ADAMTS17: variants seen among roughly 807,000 people sequenced by gnomAD.
The protein encoded by ADAMTS17 is ADAM metallopeptidase with thrombospondin type 1 motif 17.
A neutral mutation model predicts 141.5 loss-of-function variants in ADAMTS17; 113 were observed. The ratio of observed to expected loss-of-function variants is 0.80; its 90% CI spans 0.69 to 0.93. ADAMTS17 has a LOEUF of 0.93. ADAMTS17 is among the 40% of genes least tolerant of loss of function. ADAMTS17 has a pLI of 0.00. For synonymous variants in ADAMTS17, 768 were observed against 630.6 expected, an observed-to-expected ratio of 1.22 and a Z score of -3.27; for missense variants, 1,659 against 1,517.9, an observed-to-expected ratio of 1.09 and a Z score of -1.54.
chr15:100,242,814 T>A (rs975628605), intron 7 of ADAMTS17, among the ~76,000 whole-genome samples: 6 of 152,252 alleles, frequency 3.9e-5, no homozygotes. Flanking sequence ...TTTAAAAAAA[T>A]TATGTAAAGT....
At chr15:100,198,327 A>T (rs2041197690) in intron 8 of ADAMTS17, among the ~76,000 whole-genome samples, 1 of 152,216 alleles carries the variant, frequency 6.6e-6, no homozygotes. Flanking sequence ...AGCCACAGAT[A>T]TGGCAAATGC....
At chr15:100,035,160 C>G (rs1163162702) in intron 18 of ADAMTS17, among the ~76,000 whole-genome samples, 1 of 152,192 alleles carries the variant, frequency 6.6e-6, no homozygotes, top group African/African-American at 2.4e-5. Context: ...AGAGGCCAGG[C>G]ATGCAGTTCC....
chr15:100,147,913 G>C (rs1187183240), intron 10 of ADAMTS17, among the ~76,000 whole-genome samples: 1 of 152,086 alleles, frequency 6.6e-6, no homozygotes, highest in Non-Finnish European at 1.5e-5. Flanking sequence ...GGTGTCAATA[G>C]GGCTGGTTCC....
chr15:100,164,863 AC>A (rs1417968062), intron 8 of ADAMTS17, among the ~76,000 whole-genome samples: 29 of 152,254 alleles, frequency 1.9e-4, no homozygotes, highest in Admixed American at 1.5e-3. Context: ...GTAAGTGGCT[AC>A]CCCCATCCAG....
At chr15:100,107,941 T>C (rs2036509197) in intron 14 of ADAMTS17, among the ~76,000 whole-genome samples, 1 of 152,110 alleles carries the variant, frequency 6.6e-6, no homozygotes, top group African/African-American at 2.4e-5. Context: ...GTATGGTACC[T>C]GTGGCATAAG....
chr15:100,277,790 A>ATTTCC (rs1196867417), intron 4 of ADAMTS17, among the ~76,000 whole-genome samples: 2 of 152,258 alleles, frequency 1.3e-5, no homozygotes, highest in Non-Finnish European at 2.9e-5. Flanking sequence ...TTCCAGGTGT[A>ATTTCC]TGCCCAAAAG....
intron 8 of ADAMTS17, among the ~76,000 whole-genome samples, chr15:100,163,735 A>T (rs1349764752): frequency 6.6e-6 from 1 of 152,212 alleles, no homozygotes; most frequent in Admixed American, 6.5e-5. Context: ...AAGGATGTAG[A>T]CAGACACAGT....
intron 7 of ADAMTS17, among the ~76,000 whole-genome samples, chr15:100,231,658 T>C (rs2042485380): frequency 6.6e-6 from 1 of 152,176 alleles, no homozygotes; most frequent in African/African-American, 2.4e-5. Flanking sequence ...TCCTGGTGTG[T>C]CCAAGGGTTC....
intron 2 of ADAMTS17, among the ~76,000 whole-genome samples, chr15:100,335,255 AC>A (rs2141973491): frequency 6.6e-6 from 1 of 152,240 alleles, no homozygotes; most frequent in South Asian, 2.1e-4. Context: ...TTCGGTTGGC[AC>A]CCAGAGACCT....
intron 8 of ADAMTS17, among the ~76,000 whole-genome samples, chr15:100,179,340 T>C (rs2040444679): frequency 6.6e-6 from 1 of 152,186 alleles, no homozygotes; most frequent in African/African-American, 2.4e-5. Flanking sequence ...TTTCTGTGCC[T>C]GGCTTATTAT....
At chr15:100,222,379 T>C (rs940356864) in intron 7 of ADAMTS17, among the ~76,000 whole-genome samples, 12 of 152,144 alleles carry the variant, frequency 7.9e-5, no homozygotes, top group African/African-American at 2.9e-4. Context: ...CCACAGCACG[T>C]CTGAACAGAA....
At chr15:100,276,547 C>T (rs569708171) in intron 4 of ADAMTS17, among the ~76,000 whole-genome samples, 35 of 150,004 alleles carry the variant, frequency 2.3e-4, no homozygotes, top group African/African-American at 8.3e-4. Context: ...GCCTGGCCAT[C>T]AGCACGAATC....
intron 14 of ADAMTS17, among the ~76,000 whole-genome samples, chr15:100,106,778 C>T (rs1162008530): frequency 6.6e-6 from 1 of 152,218 alleles, no homozygotes; most frequent in Non-Finnish European, 1.5e-5. Context: ...TTGGGTCGGA[C>T]ACCAGCCCTG....
chr15:99,998,863 G>A (rs983368308), intron 18 of ADAMTS17, among the ~76,000 whole-genome samples: 3 of 152,076 alleles, frequency 2.0e-5, no homozygotes, highest in Admixed American at 1.3e-4. Flanking sequence ...CCAAGAGTTC[G>A]CCACCTGACA....
chr15:100,296,582 T>G (rs556538997), intron 3 of ADAMTS17, among the ~76,000 whole-genome samples: 29 of 131,224 alleles, frequency 2.2e-4, no homozygotes, highest in South Asian at 4.7e-4. Flanking sequence ...TGAGGGGGGG[T>G]GTGTGTGTGT....
chr15:100,198,744 G>A (rs565447812), intron 8 of ADAMTS17, among the ~76,000 whole-genome samples: 28 of 152,264 alleles, frequency 1.8e-4, no homozygotes, highest in Non-Finnish European at 3.1e-4. Context: ...CCCCTCTGAC[G>A]CTCTGTTTCC....
chr15:100,022,227 C>T (rs913709492), intron 18 of ADAMTS17, among the ~76,000 whole-genome samples: 16 of 152,130 alleles, frequency 1.1e-4, no homozygotes, highest in African/African-American at 3.9e-4. Flanking sequence ...GGATGCAGGC[C>T]CCCAGCAGGC....
At chr15:100,132,584 T>C (rs1030528305) in intron 11 of ADAMTS17, among the ~76,000 whole-genome samples, 2 of 152,364 alleles carry the variant, frequency 1.3e-5, no homozygotes, top group South Asian at 2.1e-4. Flanking sequence ...GGAACCTTGG[T>C]TCTTTCTGAG....
intron 12 of ADAMTS17, among the ~76,000 whole-genome samples, chr15:100,131,784 A>C (rs1353824218): frequency 6.6e-6 from 1 of 152,164 alleles, no homozygotes; most frequent in Non-Finnish European, 1.5e-5. Flanking sequence ...GAGTCAGCTC[A>C]CCCCAGACTC....
Sources: allele counts gnomAD v4.1 joint callset (sites outside exome capture counted in the v4.1 genomes callset), GRCh38; gene constraint gnomAD v4.1.1; transcripts MANE v1.5; gene names NCBI Gene and HGNC (gene_info 2026-07-23, HGNC 2026-07-21).